ALMS1: variants seen among roughly 807,000 people sequenced by gnomAD.
The protein encoded by ALMS1 is centrosome-associated protein ALMS1.
In ALMS1, 271 loss-of-function variants were observed where a neutral mutation model predicts 352.2. That is an observed-to-expected ratio of 0.77 (90% confidence interval 0.70 to 0.85). ALMS1 has a LOEUF of 0.85. Among genes scored for constraint, ALMS1 ranks in the 40% least tolerant of loss-of-function variants. ALMS1 has a pLI of 0.00. For missense variants in ALMS1, 5,445 were observed against 4,870.7 expected (o/e 1.12, Z -3.51); for synonymous variants, 1,865 against 1,761.2 (o/e 1.06, Z -1.48).
chr2:73,415,114 T>C (rs1424727508), intron 2 of ALMS1, among the ~76,000 whole-genome samples: 2 of 152,206 alleles, frequency 1.3e-5, no homozygotes, highest in Non-Finnish European at 2.9e-5. Context: ...CCTCAAAATT[T>C]GTTTGTATTT....
At chr2:73,462,470 A>G (rs1672226320) in intron 9 of ALMS1, among the ~76,000 whole-genome samples, 1 of 152,096 alleles carries the variant, frequency 6.6e-6, no homozygotes, top group South Asian at 2.1e-4. Flanking sequence ...TAAACATGGA[A>G]AGGAACAACT....
chr2:73,598,671 C>A (rs190482059), intron 16 of ALMS1, among the ~76,000 whole-genome samples: 77 of 152,284 alleles, frequency 5.1e-4, no homozygotes, highest in African/African-American at 1.8e-3. Flanking sequence ...CAGACCCCTC[C>A]CCTAGAGATT....
At chr2:73,445,027 A>C (rs1422888326) in intron 7 of ALMS1, among the ~76,000 whole-genome samples, 2 of 108,480 alleles carry the variant, frequency 1.8e-5, no homozygotes, top group African/African-American at 5.0e-5. Context: ...TTTTTAAAAA[A>C]ACATGAATTT....
At position 73,385,915 on chromosome 2, in the gene ALMS1, AGGAG is replaced by A; in HGVS notation, c.49_52del (p.Glu17ArgfsTer23). 1.2e-6 allele frequency: 1 copy of A among 825,136 alleles called. No individual in the cohort carries two copies. Among genetic ancestry groups the A allele is most frequent in the African/African-American group, 1.8e-5 (1 of 54,152 alleles). 51.1% of individuals were successfully genotyped at this position (825,136 alleles called of 1,614,324 possible). A position where few individuals can be genotyped will look rare whatever the true frequency, so the allele number is the denominator to read the frequency against. ...TGGCCGGGCGAGCTGGAGGAGGAGG[AGGAG>A]GAGGAGGAGGAGGAGGAGGAGGAAG... On this transcript the variant is annotated frameshift_variant, in exon 1 of 23. Transcript: ENST00000613296. LOFTEE classifies it high-confidence loss of function.
At position 73,448,237 on chromosome 2, in the gene ALMS1, A is replaced by C. The variant is rs201095989; in HGVS notation, c.1710A>C (p.Val570=). 6.8e-5 allele frequency: 110 copies of C among 1,614,002 alleles called. No homozygotes were observed. Among genetic ancestry groups the C allele is most frequent in the Non-Finnish European group, 8.6e-5 (101 of 1,179,920 alleles). The change falls in exon 8 of 23, where the codon GTA becomes GTC. Residue 570 remains valine, a synonymous_variant. Transcript: ENST00000613296. Reference sequence around the variant, plus strand: ...ACCAGAAGACTGCAACACCAACAGTACTCTCTAGTTCCCACTCACATAGGG... The same window carrying C: ...ACCAGAAGACTGCAACACCAACAGTCCTCTCTAGTTCCCACTCACATAGGG... ...PADQKTATPT[V]LSSSHSHRGK...
chr2:73,537,103 G>A (rs1310705788), intron 12 of ALMS1, among the ~76,000 whole-genome samples: 1 of 152,124 alleles, frequency 6.6e-6, no homozygotes, highest in Admixed American at 6.5e-5. Flanking sequence ...GACCTGACTG[G>A]GAGCCATCCA....
intron 15 of ALMS1, among the ~76,000 whole-genome samples, chr2:73,562,825 T>G (rs1221685959): frequency 6.6e-6 from 1 of 151,896 alleles, no homozygotes; most frequent in Non-Finnish European, 1.5e-5. Flanking sequence ...AGACAGAGGT[T>G]GCAGTGAGCT....
Position 73,408,708 on chromosome 2 carries a change from T to C in ALMS1, c.411T>C (p.Cys137=). 6.2e-7 allele frequency: 1 copy of C among 1,613,624 alleles called. No individual in the cohort carries two copies. Among genetic ancestry groups the C allele is most frequent in the Non-Finnish European group, 8.5e-7 (1 of 1,179,816 alleles). The change falls in exon 2 of 23, where the codon TGT becomes TGC. Residue 137 remains cysteine (C), a synonymous_variant. Coordinates refer to ENST00000613296, the MANE Select transcript of ALMS1 (RefSeq NM_001378454.1). Reference sequence around the variant, plus strand: ...AAATTTCTGATACTAATGTGGTCTGTTTGGAAACAACAGCTCAGCGGGGTT... The same window carrying C: ...AAATTTCTGATACTAATGTGGTCTGCTTGGAAACAACAGCTCAGCGGGGTT... The part of the protein sequence containing the change: ...RTQISDTNVV[C]LETTAQRGSG...
In ALMS1 at chr2:73,562,887, C is replaced by CA. The variant is rs777317531; in HGVS notation, c.10384+3754dup. Among the ~76,000 whole-genome samples, 50 of 146,476 alleles carry CA rather than the reference C, an allele frequency of 3.4e-4. No individual in the cohort carries two copies. In the East Asian group the frequency reaches 4.3e-3, roughly 13 times the overall value. ...GGGCAACAAGAGTGAAACTCCATCT[C>CA]AAAAAAAAAGAAAATTATAAAATTT... On this transcript the variant is annotated intron_variant, in intron 15 of 22. Transcript: ENST00000613296.
chr2:73,438,571 A>AGG (rs1671651757), intron 7 of ALMS1, among the ~76,000 whole-genome samples: 1 of 152,202 alleles, frequency 6.6e-6, no homozygotes, highest in African/African-American at 2.4e-5. Context: ...CAGTTGAACA[A>AGG]ATGGGAAATA....
intron 16 of ALMS1, 50 bp downstream of exon 16, chr2:73,573,474 C>T: frequency 6.3e-7 from 1 of 1,591,726 alleles, no homozygotes; most frequent in Non-Finnish European, 8.6e-7. Flanking sequence ...TCTTCATGGA[C>T]TTTTTAGTTA....
chr2:73,576,531 T>C (rs1317563801), intron 16 of ALMS1, among the ~76,000 whole-genome samples: 1 of 152,142 alleles, frequency 6.6e-6, no homozygotes, highest in East Asian at 1.9e-4. Flanking sequence ...CTTCTTTTTC[T>C]ATTTTGATGA....
chr2:73,424,865 G>A lies in ALMS1; in HGVS notation c.1200G>A (p.Gln400=), dbSNP rs1413195588. The change falls in exon 5 of 23, where the codon CAG becomes CAA. Residue 400 remains glutamine (Q), a synonymous_variant. Coordinates refer to ENST00000613296, the MANE Select transcript of ALMS1 (RefSeq NM_001378454.1). ...AARSYGQYWT[Q]EDSSKQAETY... ...GTTCATATGGGCAGTATTGGACACAGGAAGATTCATCTAAGCAGGCAGAAA... is the reference window on the plus strand; with the variant it reads ...GTTCATATGGGCAGTATTGGACACAAGAAGATTCATCTAAGCAGGCAGAAA... 1 of 1,604,562 alleles carries A rather than the reference G, an allele frequency of 6.2e-7. No homozygotes were observed. The highest frequency in any genetic ancestry group is 1.3e-5 in the African/African-American group (1 of 74,674).
chr2:73,495,096 C>T (rs1234749403), intron 10 of ALMS1, among the ~76,000 whole-genome samples: 1 of 151,990 alleles, frequency 6.6e-6, no homozygotes, highest in Non-Finnish European at 1.5e-5. Flanking sequence ...GATTATAATC[C>T]AATGCTACCA....
chr2:73,491,505 C>A lies in ALMS1; in HGVS notation c.9539+7C>A. ...CCCCAGTATTTGCAGATCGGTGAGT[C>A]TCATTGTGATAACAAGCAAGCTGGA... On this transcript the variant is annotated splice_region_variant and intron_variant, in intron 10 of 22. Coordinates refer to ENST00000613296, the MANE Select transcript of ALMS1 (RefSeq NM_001378454.1). 6.2e-7 allele frequency: 1 copy of A among 1,613,610 alleles called. No homozygotes were observed. Among genetic ancestry groups the A allele is most frequent in the South Asian group, 1.1e-5 (1 of 91,016 alleles).
rs865786766 is a variant in ALMS1 at position 73,576,319 on chromosome 2, T to C, written c.11547+2895T>C. On this transcript the variant is annotated intron_variant, in intron 16 of 22. Coordinates refer to ENST00000613296, the MANE Select transcript of ALMS1 (RefSeq NM_001378454.1). ...GTTTCCCTTGAGATTTCATGAATTT[T>C]AGTAAATATTTTATTGTTTTTAATA... Among the ~76,000 whole-genome samples the C allele has an allele frequency of 2.0e-5, 3 of 152,336 alleles. No homozygotes were observed. The South Asian group carries it at 6.2e-4, about 32-fold the overall frequency.
At chr2:73,533,699 GA>G (rs914403022) in intron 11 of ALMS1, among the ~76,000 whole-genome samples, 8 of 152,038 alleles carry the variant, frequency 5.3e-5, no homozygotes, top group Non-Finnish European at 1.2e-4. Flanking sequence ...AATCATGAAA[GA>G]AAAACTAGTA....
At chr2:73,428,482 A>G (rs17009051) in intron 6 of ALMS1, among the ~76,000 whole-genome samples, 5,008 of 152,318 alleles carry the variant, frequency 0.033, 218 homozygotes, top group Admixed American at 0.093. Context: ...TTCAATAACA[A>G]TGAGAAACAA....
At chr2:73,461,106 G>A (rs571268773) in intron 9 of ALMS1, among the ~76,000 whole-genome samples, 6 of 152,350 alleles carry the variant, frequency 3.9e-5, no homozygotes, top group South Asian at 4.1e-4. Context: ...CTCCCAGCAC[G>A]CAGCTGGAGA....
Sources: gnomAD v4.1 joint callset for allele counts (sites outside exome capture counted in the v4.1 genomes callset) on GRCh38, gnomAD v4.1.1 for gene constraint, MANE v1.5 for transcripts, NCBI Gene and HGNC (gene_info 2026-07-23, HGNC 2026-07-21) for gene names.